HMGB1: variants seen among roughly 807,000 people sequenced by gnomAD.
HMGB1 encodes high mobility group box 1.
For synonymous variants in HMGB1, 81 were observed against 84.0 expected, an observed-to-expected ratio of 0.96 and a Z score of 0.19; for missense variants, 79 against 253.5, an observed-to-expected ratio of 0.31 and a Z score of 4.67.
chr13:30,596,444 C>T (rs182128976), intron 1 of HMGB1, among the ~76,000 whole-genome samples: 201 of 152,316 alleles, frequency 1.3e-3, no homozygotes, highest in African/African-American at 4.6e-3. Context: ...TGTCTCACCA[C>T]AGTCACAGAA....
chr13:30,461,419 C>A lies in HMGB1; in HGVS notation c.586G>T (p.Asp196Tyr). ...EEEEDEEDEE[D>Y]EEEEEDEEDE... is the part of the protein sequence containing the mutation. The stretch of plus-strand genomic sequence containing the variant: ...TCTTCATCTTCCTCCTCCTCCTCAT[C>A]CTCTTCATCTTCCTCATCTTCCTCC... Residue 196 changes from aspartate to tyrosine, a missense_variant, in exon 5 of 5, where the codon GAT becomes TAT. Coordinates refer to ENST00000341423, the MANE Select transcript of HMGB1 (RefSeq NM_002128.7). The A allele has an allele frequency of 6.2e-7, 1 of 1,600,872 alleles. No homozygotes were observed.
intron 1 of HMGB1, among the ~76,000 whole-genome samples, chr13:30,599,206 C>A (rs951304691): frequency 6.6e-6 from 1 of 152,194 alleles, no homozygotes; most frequent in Non-Finnish European, 1.5e-5. Flanking sequence ...CAACGGCTCA[C>A]GCCTGTAATC....
At chr13:30,498,961 T>C (rs1371261501) in intron 1 of HMGB1, among the ~76,000 whole-genome samples, 12 of 150,918 alleles carry the variant, frequency 8.0e-5, no homozygotes, top group Admixed American at 7.9e-4. Context: ...TTTTTGTTTT[T>C]TTTTTTTTTG....
intron 1 of HMGB1, among the ~76,000 whole-genome samples, chr13:30,595,787 G>C (rs1287052222): frequency 6.6e-6 from 1 of 152,144 alleles, no homozygotes; most frequent in Non-Finnish European, 1.5e-5. Context: ...TTATCACATG[G>C]ACCTCTCCAC....
Position 30,461,561 on chromosome 13 carries a change from G to A in HMGB1, c.472-28C>T, listed in dbSNP as rs752490197. The A allele has an allele frequency of 1.4e-5, 22 of 1,572,198 alleles. No homozygotes were observed. In the East Asian group the frequency reaches 4.8e-4, roughly 34 times the overall value. ...TCCAAAGCAAAGGGAGGATAAAACA[G>A]TAGGGAAGAAAAAAACATTAAGGAA... On this transcript the variant is annotated intron_variant, in intron 4 of 4. Coordinates refer to ENST00000341423, the MANE Select transcript of HMGB1 (RefSeq NM_002128.7).
chr13:30,484,477 C>T (rs1255226299), intron 1 of HMGB1, among the ~76,000 whole-genome samples: 4 of 152,210 alleles, frequency 2.6e-5, no homozygotes, highest in African/African-American at 4.8e-5. Flanking sequence ...ATCTTCACCA[C>T]GTTCCTCACC....
rs398022159 is a variant in HMGB1 at position 30,458,331 on chromosome 13, G to GTTTTTTTTTT, written c.*3016_*3025dup. ...TTCAAAAACCAGTTGTCTCTCCTGT[G>GTTTTTTTTTT]TTTTTTTTTTTTTTTTGAGATGGAG... is the stretch of plus-strand genomic sequence containing the variant. On this transcript the variant is annotated 3_prime_UTR_variant, in exon 5 of 5. Coordinates refer to ENST00000341423, the MANE Select transcript of HMGB1 (RefSeq NM_002128.7). The GTTTTTTTTTT allele has an allele frequency of 7.3e-6, 1 of 137,034 alleles. No individual in the cohort carries two copies. The highest frequency in any genetic ancestry group is 2.8e-5 in the African/African-American group (1 of 36,242). 8.5% of individuals were successfully genotyped at this position (137,034 alleles called of 1,614,324 possible).
At chr13:30,560,604 G>A (rs7982514) in intron 1 of HMGB1, among the ~76,000 whole-genome samples, 9,748 of 152,208 alleles carry the variant, frequency 0.064, 680 homozygotes, top group East Asian at 0.39. Context: ...GACAAAGGCC[G>A]ATATCAATAG....
chr13:30,508,331 G>A (rs1358117651), intron 1 of HMGB1, among the ~76,000 whole-genome samples: 3 of 152,082 alleles, frequency 2.0e-5, no homozygotes, highest in Admixed American at 6.6e-5. Flanking sequence ...GGCCAACATG[G>A]TGAAACCCCA....
intron 1 of HMGB1, among the ~76,000 whole-genome samples, chr13:30,585,677 G>A (rs1379454070): frequency 6.6e-6 from 1 of 151,576 alleles, no homozygotes; most frequent in African/African-American, 2.4e-5. Context: ...AAAAAAAAAA[G>A]TAAAAAGTAT....
At chr13:30,555,081 G>A (rs1398785124) in intron 1 of HMGB1, among the ~76,000 whole-genome samples, 1 of 108,632 alleles carries the variant, frequency 9.2e-6, no homozygotes, top group Non-Finnish European at 1.7e-5. Context: ...CTGCTCTGTT[G>A]CCCAGGCTGG....
intron 1 of HMGB1, among the ~76,000 whole-genome samples, chr13:30,529,560 T>C (rs1888450129): frequency 6.6e-6 from 1 of 152,176 alleles, no homozygotes; most frequent in African/African-American, 2.4e-5. Context: ...TGAAATCCCT[T>C]AGGCATACGA....
intron 1 of HMGB1, among the ~76,000 whole-genome samples, chr13:30,533,286 T>C (rs746560621): frequency 3.3e-5 from 5 of 152,246 alleles, no homozygotes; most frequent in Non-Finnish European, 7.3e-5. Context: ...TGTTCTCCAA[T>C]GTGGCTCAGT....
intron 1 of HMGB1, among the ~76,000 whole-genome samples, chr13:30,607,458 A>C (rs1950471175): frequency 6.6e-6 from 1 of 152,182 alleles, no homozygotes. Context: ...GCCACCATGT[A>C]AGATGTGCCT....
chr13:30,511,946 G>T (rs1888001025), intron 1 of HMGB1, among the ~76,000 whole-genome samples: 1 of 152,062 alleles, frequency 6.6e-6, no homozygotes, highest in African/African-American at 2.4e-5. Context: ...TCTTCTTTGT[G>T]GGGGCGACTG....
intron 1 of HMGB1, chr13:30,464,530 C>T: frequency 1.0e-6 from 1 of 984,690 alleles, no homozygotes; most frequent in Non-Finnish European, 1.2e-6. Context: ...GGACGCGGCC[C>T]GGCTCCCAGG....
At chr13:30,464,607 G>A (rs1886603572) in intron 1 of HMGB1, 26 of 983,724 alleles carry the variant, frequency 2.6e-5, no homozygotes, top group Non-Finnish European at 3.1e-5. Context: ...CATTTTGTCA[G>A]GCTCGGCGCA....
chr13:30,604,658 T>C (rs111846133), intron 1 of HMGB1, among the ~76,000 whole-genome samples: 3 of 152,260 alleles, frequency 2.0e-5, no homozygotes, highest in African/African-American at 7.2e-5. Context: ...CCCAATGTTT[T>C]TTTGTTTGTT....
In HMGB1 at chr13:30,573,023, A is replaced by G. The variant is rs151114240; in HGVS notation, c.-15+43648T>C. 1.4e-3 allele frequency among the ~76,000 whole-genome samples: 209 copies of G among 152,334 alleles called. 1 individual carries two copies. Among genetic ancestry groups the G allele is most frequent in the African/African-American group, 4.7e-3 (196 of 41,584 alleles). On this transcript the variant is annotated intron_variant, in intron 1 of 4. Transcript: ENST00000405805. ...ACCATCAGAATCTCTACTATTTAAA[A>G]TAATTAAGTTATAATTGTAACTTCC...
Sources: gnomAD v4.1 joint callset for allele counts (sites outside exome capture counted in the v4.1 genomes callset) on GRCh38, gnomAD v4.1.1 for gene constraint, MANE v1.5 for transcripts, NCBI Gene and HGNC (gene_info 2026-07-23, HGNC 2026-07-21) for gene names.